Variants in NPLOC4 observed in about 807,000 individuals in gnomAD.
The protein encoded by NPLOC4 is nuclear protein localization protein 4 homolog.
Under a neutral mutation model 80.6 loss-of-function variants are expected in NPLOC4, and 18 were observed. The ratio of observed to expected loss-of-function variants is 0.22; its 90% CI spans 0.15 to 0.33. The LOEUF (loss-of-function observed/expected upper bound fraction) is 0.33, where lower values mean the gene tolerates loss of function less well. Ranked by LOEUF, NPLOC4 falls within the 10% of genes least tolerant of loss-of-function variation. The probability of loss-of-function intolerance (pLI) is 1.00; values close to 1 mark genes in which losing one functional copy is unlikely to be tolerated. For missense variants in NPLOC4, 540 were observed against 786.1 expected, an observed-to-expected ratio of 0.69 and a Z score of 3.74; for synonymous variants, 313 against 301.5, an observed-to-expected ratio of 1.04 and a Z score of -0.39.
chr17:81,618,861 GA>G (rs2035584168), intron 3 of NPLOC4, among the ~76,000 whole-genome samples: 1 of 152,200 alleles, frequency 6.6e-6, no homozygotes, highest in African/African-American at 2.4e-5. Flanking sequence ...TCTGTACTAA[GA>G]AAAATTCTTC....
rs78135377 is a variant in NPLOC4, at chr17:81,596,049, C to A, written c.1120+67G>T. On this transcript the variant is annotated intron_variant, in intron 11 of 16. Transcript: ENST00000331134. ...TAACTAAGTTAAGGATAAAAAGCTACCAAAAAGAGGAACAAAATATATTAA... is the reference window on the plus strand; with the variant it reads ...TAACTAAGTTAAGGATAAAAAGCTAACAAAAAGAGGAACAAAATATATTAA... 1,094 of 1,502,898 alleles carry A rather than the reference C, an allele frequency of 7.3e-4. 9 individuals are homozygous for A. The African/African-American group carries it at 0.014, about 19-fold the overall frequency. 93.1% of individuals were successfully genotyped at this position (1,502,898 alleles called of 1,614,324 possible).
At chr17:81,564,712 C>A (rs75340968) in intron 16 of NPLOC4, 21,580 of 150,572 alleles carry the variant, frequency 0.14, 1,829 homozygotes, top group Admixed American at 0.23. Flanking sequence ...CGTTTGAACC[C>A]AGGAGGTGGA....
intron 3 of NPLOC4, among the ~76,000 whole-genome samples, chr17:81,620,737 C>T (rs1027557928): frequency 3.3e-5 from 5 of 152,082 alleles, no homozygotes; most frequent in Non-Finnish European, 7.4e-5. Context: ...GCAAGAGCAG[C>T]GGGACAAGCG....
intron 8 of NPLOC4, among the ~76,000 whole-genome samples, chr17:81,602,978 A>ATATAT (rs1487443268): frequency 3.8e-5 from 3 of 79,944 alleles, no homozygotes; most frequent in African/African-American, 1.0e-4. Context: ...TATATACACA[A>ATATAT]ATACACACAC....
At chr17:81,586,001 TAG>T (rs1220124423) in intron 12 of NPLOC4, among the ~76,000 whole-genome samples, 1 of 151,752 alleles carries the variant, frequency 6.6e-6, no homozygotes, top group East Asian at 1.9e-4. Context: ...AAGAAAAATA[TAG>T]GTCAGGCACA....
intron 12 of NPLOC4, among the ~76,000 whole-genome samples, chr17:81,586,863 T>C (rs557903012): frequency 6.6e-6 from 1 of 152,302 alleles, no homozygotes; most frequent in Admixed American, 6.5e-5. Flanking sequence ...CTCATCAAAA[T>C]GCAACTCGGC....
intron 3 of NPLOC4, among the ~76,000 whole-genome samples, chr17:81,619,057 CAA>C (rs1218950186): frequency 2.0e-5 from 3 of 152,104 alleles, no homozygotes; most frequent in Non-Finnish European, 4.4e-5. Context: ...CCCAGGGACA[CAA>C]ACACTGCGGA....
At position 81,568,992 on chromosome 17, in the gene NPLOC4, T is replaced by C. The variant is rs768258643; in HGVS notation, c.1449+24A>G. On this transcript the variant is annotated intron_variant, in intron 14 of 16. Coordinates refer to ENST00000331134, the MANE Select transcript of NPLOC4 (RefSeq NM_017921.4). The stretch of plus-strand genomic sequence containing the variant: ...AACAATCAGCAGTTACCTTAAATTA[T>C]GTTTCTAAAGACAAAGAGCTCACCT... 12 of 1,417,636 alleles carry C rather than the reference T, an allele frequency of 8.5e-6. 1 individual carries two copies. In the South Asian group the frequency reaches 1.2e-4, roughly 14 times the overall value. The allele number at this position is 1,417,636 out of a possible 1,614,324, so 87.8% of individuals were successfully genotyped here.
At chr17:81,565,325 G>A (rs746040858) in intron 16 of NPLOC4, 180 bp downstream of exon 16, 16 of 706,138 alleles carry the variant, frequency 2.3e-5, no homozygotes, top group Middle Eastern at 2.5e-4. Context: ...CTCCATCACC[G>A]GAGCCTGCCA....
At chr17:81,602,978 A>AAT (rs2035103488) in intron 8 of NPLOC4, among the ~76,000 whole-genome samples, 1 of 79,946 alleles carries the variant, frequency 1.3e-5, no homozygotes, top group Non-Finnish European at 2.5e-5. Flanking sequence ...TATATACACA[A>AAT]ATACACACAC....
intron 12 of NPLOC4, among the ~76,000 whole-genome samples, chr17:81,574,308 C>A (rs572720544): frequency 5.9e-5 from 9 of 152,280 alleles, no homozygotes; most frequent in African/African-American, 2.2e-4. Flanking sequence ...ATGCTATTCT[C>A]TTTCAAACTT....
At chr17:81,595,409 A>G (rs914414851) in intron 11 of NPLOC4, among the ~76,000 whole-genome samples, 1 of 147,376 alleles carries the variant, frequency 6.8e-6, no homozygotes, top group African/African-American at 2.5e-5. Flanking sequence ...ACTCCAGCCT[A>G]AATGACAGTA....
At position 81,559,251 on chromosome 17, in the gene NPLOC4, C is replaced by G; in HGVS notation, c.*8G>C. On this transcript the variant is annotated 3_prime_UTR_variant, in exon 17 of 17. Transcript: ENST00000331134. ...GGGCCCGGTCCTAGCCAGCAGAGGG[C>G]AGGCGCCCTAGGTCCTGGGGAGGCT... 6.3e-7 allele frequency: 1 copy of G among 1,595,534 alleles called. No individual in the cohort carries two copies. The highest frequency in any genetic ancestry group is 8.5e-7 in the Non-Finnish European group (1 of 1,172,142).
chr17:81,622,359 G>C lies in NPLOC4; in HGVS notation c.97-81C>G, dbSNP rs545317368. ...ATACCATACACACCAGACACTACTA[G>C]AAGAGTATTCACCAAATTTGGAAAG... On this transcript the variant is annotated intron_variant, in intron 2 of 16. Transcript: ENST00000331134. 1.1e-5 allele frequency: 11 copies of C among 1,017,306 alleles called. No individual in the cohort carries two copies. The African/African-American group carries it at 1.5e-4, about 13-fold the overall frequency. The allele number at this position is 1,017,306 out of a possible 1,614,324, so 63.0% of individuals were successfully genotyped here.
intron 5 of NPLOC4, among the ~76,000 whole-genome samples, chr17:81,609,297 C>T (rs1016848394): frequency 1.3e-5 from 2 of 152,164 alleles, no homozygotes; most frequent in African/African-American, 4.8e-5. Context: ...GCTTTACAGG[C>T]GTGAGCCACT....
intron 3 of NPLOC4, among the ~76,000 whole-genome samples, chr17:81,621,235 C>T (rs945313621): frequency 2.2e-4 from 34 of 152,162 alleles, no homozygotes; most frequent in African/African-American, 7.2e-4. Flanking sequence ...CAAGAGGTTT[C>T]GTTTCACCTC....
chr17:81,598,665 TCCTTAGGC>T (rs1568142941), intron 9 of NPLOC4, among the ~76,000 whole-genome samples: 1 of 152,094 alleles, frequency 6.6e-6, no homozygotes, highest in African/African-American at 2.4e-5. Context: ...TGCTGTGTGA[TCCTTAGGC>T]CCGCCTCTGC....
At position 81,598,072 on chromosome 17, in the gene NPLOC4, C is replaced by G. The variant is rs1166653136; in HGVS notation, c.922-756G>C. Among the ~76,000 whole-genome samples, 3 of 145,214 alleles carry G rather than the reference C, an allele frequency of 2.1e-5. No individual in the cohort carries two copies. The South Asian group carries it at 6.5e-4, about 32-fold the overall frequency. ...ATTGCGTCACTGCACTCCAGCCTGG[C>G]CCACAGAGCAAGACTCTGTCTCAAA... On this transcript the variant is annotated intron_variant, in intron 9 of 16. Coordinates refer to ENST00000331134, the MANE Select transcript of NPLOC4 (RefSeq NM_017921.4).
intron 12 of NPLOC4, among the ~76,000 whole-genome samples, chr17:81,582,584 G>A (rs1190118537): frequency 6.6e-6 from 1 of 152,090 alleles, no homozygotes; most frequent in East Asian, 1.9e-4. Context: ...TTTTGTTGTT[G>A]TAGAAATGAG....
Sources: allele counts gnomAD v4.1 joint callset (sites outside exome capture counted in the v4.1 genomes callset), GRCh38; gene constraint gnomAD v4.1.1; transcripts MANE v1.5; gene names NCBI Gene and HGNC (gene_info 2026-07-23, HGNC 2026-07-21).